LMTK3: variants seen among roughly 807,000 people sequenced by gnomAD.
The protein encoded by LMTK3 is lemur tail kinase 3.
LMTK3 carries 27 observed loss-of-function variants against 116.7 expected under a neutral mutation model. The observed-to-expected ratio is 0.23, with a 90% CI of 0.17 to 0.32. The LOEUF (loss-of-function observed/expected upper bound fraction) is 0.32, where lower values mean the gene tolerates loss of function less well. Ranked by LOEUF, LMTK3 falls within the 10% of genes least tolerant of loss-of-function variation. The pLI is 1.00. For synonymous variants in LMTK3, 965 were observed against 971.0 expected (o/e 0.99, Z 0.11); for missense variants, 1,764 against 2,068.5 (o/e 0.85, Z 2.86).
intron 12 of LMTK3, 144 bp downstream of exon 12, chr19:48,493,550 T>C (rs1262825333): frequency 1.3e-5 from 5 of 395,378 alleles, no homozygotes; most frequent in South Asian, 8.6e-5. Flanking sequence ...TCGGCCTCCC[T>C]TCAGGCCCCG....
Position 48,497,345 on chromosome 19 carries a change from C to T in LMTK3, c.3676+48G>A, listed in dbSNP as rs1972345168. The T allele has an allele frequency of 3.5e-6, 5 of 1,415,206 alleles. No individual in the cohort carries two copies. The East Asian group carries it at 1.4e-4, about 39-fold the overall frequency. 87.7% of individuals were successfully genotyped at this position (1,415,206 alleles called of 1,614,324 possible). A position where few individuals can be genotyped will look rare whatever the true frequency, so the allele number is the denominator to read the frequency against. ...ACCCACACTCACCCTCCGCACGCCT[C>T]GGAAACAGCCGGACCTCAGCCCTGA... On this transcript the variant is annotated intron_variant, in intron 11 of 14. Transcript: ENST00000600059. The surrounding 1 kb of genome is among the most constrained non-coding windows in gnomAD (Gnocchi z 5.7).
chr19:48,491,396 G>A lies in LMTK3; in HGVS notation c.4228+8C>T. 8.5e-7 allele frequency: 1 copy of A among 1,173,634 alleles called. No homozygotes were observed. The highest frequency in any genetic ancestry group is 1.1e-6 in the Non-Finnish European group (1 of 935,124). The allele number at this position is 1,173,634 out of a possible 1,614,324, so 72.7% of individuals were successfully genotyped here. A position where few individuals can be genotyped will look rare whatever the true frequency, so the allele number is the denominator to read the frequency against. On this transcript the variant is annotated splice_region_variant and intron_variant, in intron 13 of 14. Coordinates refer to ENST00000600059, the MANE Select transcript of LMTK3 (RefSeq NM_001388485.1). This position sits in a 1 kb window ranked among gnomAD's most constrained non-coding sequence, Gnocchi z 5.1. ...CGCCCCCTCCCGCCCCATAGGGCCC[G>A]TCCTCACCAAAGCCGCTGTCGTTGC... is the stretch of plus-strand genomic sequence containing the variant.
chr19:48,489,245 T>C (rs1335365596), intron 14 of LMTK3, among the ~76,000 whole-genome samples: 4 of 152,160 alleles, frequency 2.6e-5, no homozygotes, highest in Admixed American at 6.5e-5. Flanking sequence ...CAGAAAACAT[T>C]GACTTAATTA....
chr19:48,487,031 ATT>A lies in LMTK3; in HGVS notation c.4367-1244_4367-1243del, dbSNP rs34242861. ...CAGGTGCCTGCCACCACACCCGGCT[ATT>A]TTTTTTTTTTTTTTTTTTTAAGACA... On this transcript the variant is annotated intron_variant, in intron 14 of 14. Transcript: ENST00000600059. Among the ~76,000 whole-genome samples, 388 of 118,318 alleles carry A rather than the reference ATT, an allele frequency of 3.3e-3. 1 individual carries two copies. The highest frequency in any genetic ancestry group is 0.011 in the African/African-American group (339 of 31,378). 77.6% of individuals were successfully genotyped at this position (118,318 alleles called of 152,430 possible).
rs1449092795 is a variant in LMTK3 at position 48,509,116 on chromosome 19, C to T, written c.439-147G>A. ...CCCACCACCCTTGACCCCCACCAGA[C>T]ATGGGGTGAGACACTCACGGGCCCA... On this transcript the variant is annotated intron_variant, in intron 4 of 14. Coordinates refer to ENST00000600059, the MANE Select transcript of LMTK3 (RefSeq NM_001388485.1). The T allele has an allele frequency of 4.3e-5, 27 of 625,162 alleles. 1 individual carries two copies. The highest frequency in any genetic ancestry group is 1.4e-4 in the Admixed American group (5 of 35,032). 38.7% of individuals were successfully genotyped at this position (625,162 alleles called of 1,614,324 possible).
At chr19:48,496,839 A>G (rs986286979) in intron 11 of LMTK3, among the ~76,000 whole-genome samples, 1 of 152,262 alleles carries the variant, frequency 6.6e-6, no homozygotes, top group African/African-American at 2.4e-5. Flanking sequence ...TGCAACCATA[A>G]AAACAAAAGA....
chr19:48,498,248 C>T lies in LMTK3; in HGVS notation c.2821G>A (p.Glu941Lys), dbSNP rs751209205. The T allele has an allele frequency of 2.5e-6, 4 of 1,613,482 alleles. No homozygotes were observed. The South Asian group carries it at 4.4e-5, about 18-fold the overall frequency. ...AGGGCCCCATTCTCCGCCGCCTTCT[C>T]CTCGATGCCTGGGGCTCTCTGGTCC... ...NGDQRAPGIEEKAAENGALGS... is the reference protein window; with the variant it reads ...NGDQRAPGIEKKAAENGALGS... The change falls in exon 11 of 15, where the codon GAG becomes AAG. Residue 941 changes from glutamate (E) to lysine (K), a missense_variant. Around this residue, in one of 7 missense-constraint regions of LMTK3, gnomAD observed 1,028 missense variants for 1,050.6 expected, o/e 0.98. Transcript: ENST00000600059.
At position 48,493,922 on chromosome 19, in the gene LMTK3, G is replaced by GTCC. The variant is rs781463728; in HGVS notation, c.3861_3863dup (p.Glu1287dup). Reference sequence around the variant, plus strand: ...CCGCGCCCGGCGCCGCCGCCTCCTCGTCCTCCTCCTCGTCCTCGTCCTCGT... The same window carrying GTCC: ...CCGCGCCCGGCGCCGCCGCCTCCTCGTCCTCCTCCTCCTCGTCCTCGTCCTCGT... On this transcript the variant is annotated inframe_insertion, in exon 12 of 15. Transcript: ENST00000600059. 9.7e-7 allele frequency: 1 copy of GTCC among 1,030,598 alleles called. No homozygotes were observed. Among genetic ancestry groups the GTCC allele is most frequent in the Non-Finnish European group, 1.2e-6 (1 of 863,350 alleles). The allele number at this position is 1,030,598 out of a possible 1,614,324, so 63.8% of individuals were successfully genotyped here.
At position 48,497,647 on chromosome 19, in the gene LMTK3, G is replaced by T; in HGVS notation, c.3422C>A (p.Thr1141Lys). 7.6e-7 allele frequency: 1 copy of T among 1,308,454 alleles called. No individual in the cohort carries two copies. The highest frequency in any genetic ancestry group is 9.7e-7 in the Non-Finnish European group (1 of 1,030,660). 81.1% of individuals were successfully genotyped at this position (1,308,454 alleles called of 1,614,324 possible). Residue 1141 changes from threonine to lysine, a missense_variant, in exon 11 of 15, where the codon ACG becomes AAG. Physicochemically the swap from Thr to Lys is moderately conservative, Grantham distance 78. Around this residue, in one of 7 missense-constraint regions of LMTK3, gnomAD observed 1,028 missense variants for 1,050.6 expected, o/e 0.98. Coordinates refer to ENST00000600059, the MANE Select transcript of LMTK3 (RefSeq NM_001388485.1). The surrounding 1 kb of genome is among the most constrained non-coding windows in gnomAD (Gnocchi z 5.7). ...VDAKAGWVDNTRPQPPPPPLP... is the reference protein window; with the variant it reads ...VDAKAGWVDNKRPQPPPPPLP... Reference sequence around the variant, plus strand: ...CGGTGGCGGCGGTGGCTGCGGCCTCGTGTTGTCTACCCATCCGGCCTTTGC... The same window carrying T: ...CGGTGGCGGCGGTGGCTGCGGCCTCTTGTTGTCTACCCATCCGGCCTTTGC...
Position 48,499,374 on chromosome 19 carries a change from G to A in LMTK3, c.1695C>T (p.Pro565=), listed in dbSNP as rs1209097839. The A allele has an allele frequency of 3.5e-6, 5 of 1,428,686 alleles. No individual in the cohort carries two copies. The highest frequency in any genetic ancestry group is 2.6e-5 in the East Asian group (1 of 38,842). The allele number at this position is 1,428,686 out of a possible 1,614,324, so 88.5% of individuals were successfully genotyped here. A position where few individuals can be genotyped will look rare whatever the true frequency, so the allele number is the denominator to read the frequency against. Residue 565 remains proline, a synonymous_variant, in exon 11 of 15, where the codon CCC becomes CCT. Transcript: ENST00000600059. ...NDWDPLDPGV[P]APQAPQAPSE... ...AGGGGGCCTGGGGGGCCTGAGGGGC[G>A]GGCACTCCTGGGTCCAGGGGGTCCC... is the stretch of plus-strand genomic sequence containing the variant.
intron 4 of LMTK3, 92 bp downstream of exon 4, chr19:48,509,345 G>T: frequency 8.3e-7 from 1 of 1,206,300 alleles, no homozygotes; most frequent in Non-Finnish European, 1.2e-6. Flanking sequence ...GCGAGGGACA[G>T]ATGAGAAGTG....
In LMTK3 at chr19:48,504,312, C is replaced by T. The variant is rs972682131; in HGVS notation, c.558-1316G>A. 9.2e-5 allele frequency among the ~76,000 whole-genome samples: 14 copies of T among 152,330 alleles called. No homozygotes were observed. The South Asian group carries it at 1.2e-3, about 14-fold the overall frequency. On this transcript the variant is annotated intron_variant, in intron 5 of 14. Transcript: ENST00000600059. ...TTGGATACCCTCCCCTTTACCCTCA[C>T]GCTGTGGGAAAGAGTCAGACTCGGG... is the stretch of plus-strand genomic sequence containing the variant.
intron 12 of LMTK3, among the ~76,000 whole-genome samples, 162 bp downstream of exon 12, chr19:48,493,532 A>C (rs1472316434): frequency 0.012 from 412 of 34,342 alleles, no homozygotes; most frequent in Non-Finnish European, 0.015. Context: ...GCCCCGCCCC[A>C]CCCTAGCTCG....
In LMTK3 at chr19:48,489,849, C is replaced by A. The variant is rs550870616; in HGVS notation, c.4366+1259G>T. On this transcript the variant is annotated intron_variant, in intron 14 of 14. Transcript: ENST00000600059. ...GAGTGAAACCCTCCAGTGGCGTCTT[C>A]TACCTTAGCTCTGATACCGGGGAGC... 2.8e-4 allele frequency among the ~76,000 whole-genome samples: 43 copies of A among 152,296 alleles called. No individual in the cohort carries two copies. The Middle Eastern group carries it at 0.02, about 72-fold the overall frequency.
In LMTK3 at chr19:48,493,950, T is replaced by C; in HGVS notation, c.3836A>G (p.Glu1279Gly). 9.6e-7 allele frequency: 1 copy of C among 1,039,148 alleles called. No homozygotes were observed. Among genetic ancestry groups the C allele is most frequent in the South Asian group, 4.3e-5 (1 of 23,364 alleles). 64.4% of individuals were successfully genotyped at this position (1,039,148 alleles called of 1,614,324 possible). A position where few individuals can be genotyped will look rare whatever the true frequency, so the allele number is the denominator to read the frequency against. The change falls in exon 12 of 15, where the codon GAG (glutamate) becomes GGG (glycine). Residue 1279 changes from glutamate (E) to glycine (G), a missense_variant. Glu to Gly is a moderately conservative substitution (Grantham distance 98, BLOSUM62 -2). Coordinates refer to ENST00000600059, the MANE Select transcript of LMTK3 (RefSeq NM_001388485.1). Reference protein sequence around the residue: ...GAPGPAEEDGEDEDEDEEEDE... With the variant: ...GAPGPAEEDGGDEDEDEEEDE... The stretch of plus-strand genomic sequence containing the variant: ...CTCCTCCTCGTCCTCGTCCTCGTCC[T>C]CCCCGTCCTCCTCCGCCGGCCCCGG...
In LMTK3 at chr19:48,485,785, G is replaced by A. The variant is rs544300171; in HGVS notation, c.4371C>T (p.Pro1457=). The change falls in exon 15 of 15, where the codon CCC becomes CCT. Residue 1457 remains proline (P), a synonymous_variant. Coordinates refer to ENST00000600059, the MANE Select transcript of LMTK3 (RefSeq NM_001388485.1). ...ARAPDARPAG[P]VEN The stretch of plus-strand genomic sequence containing the variant: ...GGTCTTCGGGGAATCAATTCTCCAC[G>A]GGGCCTGAGGATGGACAGAGGAGAC... The A allele has an allele frequency of 8.7e-6, 14 of 1,610,506 alleles. No individual in the cohort carries two copies. In the South Asian group the frequency reaches 8.8e-5, roughly 10 times the overall value.
rs774825868 is a variant in LMTK3 at position 48,501,009 on chromosome 19, A to C, written c.1138T>G (p.Tyr380Asp). ...GCTAGCCCTCACCAGTAGTCCGCGT[A>C]AGGCAGCTTGAGCCTCGGCCGGGCC... ...KLARPRLKLP[Y>D]ADYWYDILQS... The change falls in exon 10 of 15, where the codon TAC becomes GAC. Residue 380 changes from tyrosine (Y) to aspartate (D), a missense_variant. Tyr to Asp is a radical substitution (Grantham distance 160). This residue lies in a region of LMTK3 where 271 missense variants were observed against 478.2 expected (regional missense o/e 0.57). Transcript: ENST00000600059. The C allele has an allele frequency of 3.9e-6, 6 of 1,525,552 alleles. No individual in the cohort carries two copies. Among genetic ancestry groups the C allele is most frequent in the Non-Finnish European group, 5.3e-6 (6 of 1,139,286 alleles). The allele number at this position is 1,525,552 out of a possible 1,614,324, so 94.5% of individuals were successfully genotyped here. A position where few individuals can be genotyped will look rare whatever the true frequency, so the allele number is the denominator to read the frequency against.
rs777666051 is a variant in LMTK3 at position 48,491,503 on chromosome 19, G to A, written c.4129C>T (p.Pro1377Ser). ...GTTGACGGGTCCGTGTCCCCCTCGG[G>A]GGGGGCCTGGACGCTCAGCTCGTTG... ...PTNELSVQAP[P>S]EGDTDPSTPP... The change falls in exon 13 of 15, where the codon CCC becomes TCC. Residue 1377 changes from proline to serine, a missense_variant. Physicochemically the swap from Pro to Ser is moderately conservative, Grantham distance 74. This residue lies in a region of LMTK3 where 281 missense variants were observed against 301.4 expected (regional missense o/e 0.93). Coordinates refer to ENST00000600059, the MANE Select transcript of LMTK3 (RefSeq NM_001388485.1). This position sits in a 1 kb window ranked among gnomAD's most constrained non-coding sequence, Gnocchi z 5.1. 1 of 1,408,494 alleles carries A rather than the reference G, an allele frequency of 7.1e-7. No homozygotes were observed. The highest frequency in any genetic ancestry group is 9.3e-7 in the Non-Finnish European group (1 of 1,077,798). The allele number at this position is 1,408,494 out of a possible 1,614,324, so 87.2% of individuals were successfully genotyped here. A position where few individuals can be genotyped will look rare whatever the true frequency, so the allele number is the denominator to read the frequency against.
chr19:48,499,211 T>C lies in LMTK3; in HGVS notation c.1858A>G (p.Thr620Ala). The change falls in exon 11 of 15, where the codon ACC (threonine) becomes GCC (alanine). Residue 620 changes from threonine to alanine, a missense_variant. Thr to Ala is a moderately conservative substitution (Grantham distance 58, BLOSUM62 0). This residue lies in a region of LMTK3 where 1,028 missense variants were observed against 1,050.6 expected (regional missense o/e 0.98). Coordinates refer to ENST00000600059, the MANE Select transcript of LMTK3 (RefSeq NM_001388485.1). ...WDPEGRGAGETLAGDPAEVLG... is the reference protein window; with the variant it reads ...WDPEGRGAGEALAGDPAEVLG... ...ACCTCGGCAGGGTCTCCCGCCAGGG[T>C]CTCCCCGGCGCCCCGGCCCTCGGGG... The C allele has an allele frequency of 7.1e-6, 10 of 1,401,970 alleles. No homozygotes were observed. The highest frequency in any genetic ancestry group is 9.3e-6 in the Non-Finnish European group (10 of 1,072,228). 86.8% of individuals were successfully genotyped at this position (1,401,970 alleles called of 1,614,324 possible).
Sources: allele counts gnomAD v4.1 joint callset (sites outside exome capture counted in the v4.1 genomes callset), GRCh38; gene constraint gnomAD v4.1.1; regional missense constraint gnomAD v4.1.1; non-coding constraint Gnocchi (gnomAD v3.1); transcripts MANE v1.5; gene names NCBI Gene and HGNC (gene_info 2026-07-23, HGNC 2026-07-21).